CYP2C19: variants seen among roughly 807,000 people sequenced by gnomAD.
The protein encoded by CYP2C19 is cytochrome P450 family 2 subfamily C member 19.
CYP2C19 carries 59 observed loss-of-function variants against 40.9 expected under a neutral mutation model. The observed-to-expected ratio is 1.44, with a 90% CI of 1.17 to 1.79. The LOEUF is 1.79. Ranked by LOEUF, CYP2C19 falls within the 40% of genes most tolerant of loss-of-function variation. CYP2C19 has a pLI of 0.00. For missense variants in CYP2C19, 754 were observed against 596.9 expected (o/e 1.26, Z -2.74); for synonymous variants, 253 against 208.7 (o/e 1.21, Z -1.83).
In CYP2C19 at chr10:94,775,164, A is replaced by G. The variant is rs1293947597; in HGVS notation, c.275A>G (p.Glu92Gly). ...AAGGAAGCCCTGATTGATCTTGGAG[A>G]GGAGTTTTCTGGAAGAGGCCATTTC... The part of the protein sequence containing the change: ...VVKEALIDLG[E>G]EFSGRGHFPL... The change falls in exon 2 of 9, where the codon GAG (glutamate) becomes GGG (glycine). Residue 92 changes from glutamate to glycine, a missense_variant. Coordinates refer to ENST00000371321, the MANE Select transcript of CYP2C19 (RefSeq NM_000769.4). The G allele has an allele frequency of 5.0e-6, 8 of 1,613,970 alleles. No individual in the cohort carries two copies. The highest frequency in any genetic ancestry group is 6.8e-6 in the Non-Finnish European group (8 of 1,180,014).
chr10:94,775,981 G>A (rs1380225156), intron 3 of CYP2C19: 1 of 204,832 alleles, frequency 4.9e-6, no homozygotes, highest in Non-Finnish European at 9.9e-6. Flanking sequence ...TTATTTAATT[G>A]GACTATGTTT....
chr10:94,851,018 A>C (rs528474757), intron 8 of CYP2C19, among the ~76,000 whole-genome samples: 7 of 152,296 alleles, frequency 4.6e-5, no homozygotes, highest in Admixed American at 4.6e-4. Context: ...CAAGATAACA[A>C]GGAAAGAAAC....
intron 5 of CYP2C19, among the ~76,000 whole-genome samples, chr10:94,791,578 T>C (rs1025636650): frequency 2.0e-5 from 3 of 152,286 alleles, no homozygotes; most frequent in Middle Eastern, 3.4e-3. Context: ...TTTGTTCTCA[T>C]TGATTTCAAA....
intron 1 of CYP2C19, among the ~76,000 whole-genome samples, chr10:94,763,983 A>G (rs1341284940): frequency 6.6e-6 from 1 of 151,940 alleles, no homozygotes; most frequent in Non-Finnish European, 1.5e-5. Context: ...CTTCGCAATG[A>G]GTGTTACAGC....
Position 94,853,974 on chromosome 10 carries a change from G to GT in CYP2C19, c.*1064dup, listed in dbSNP as rs1849694918. On this transcript the variant is annotated 3_prime_UTR_variant, in exon 9 of 9. Coordinates refer to ENST00000371321, the MANE Select transcript of CYP2C19 (RefSeq NM_000769.4). ...TATGCTTTCATATTGCTGCTCATGT[G>GT]TTTTGTCATGCTTCTCTCTTCAAAC... Among the ~76,000 whole-genome samples the GT allele has an allele frequency of 6.6e-6, 1 of 151,734 alleles. No individual in the cohort carries two copies. Among genetic ancestry groups the GT allele is most frequent in the Non-Finnish European group, 1.5e-5 (1 of 67,954 alleles).
chr10:94,846,628 T>G (rs1264176687), intron 7 of CYP2C19, among the ~76,000 whole-genome samples: 1 of 152,140 alleles, frequency 6.6e-6, no homozygotes, highest in Non-Finnish European at 1.5e-5. Flanking sequence ...GATGATTTTT[T>G]TCTAATTTCA....
intron 5 of CYP2C19, among the ~76,000 whole-genome samples, chr10:94,795,224 A>G (rs1399828962): frequency 7.3e-6 from 1 of 137,906 alleles, no homozygotes; most frequent in African/African-American, 2.7e-5. Flanking sequence ...TCATTGTTCA[A>G]TTCCCACCTA....
chr10:94,774,347 C>T (rs1383459727), intron 1 of CYP2C19: 1 of 152,070 alleles, frequency 6.6e-6, no homozygotes, highest in Non-Finnish European at 1.5e-5. Flanking sequence ...CAGTTTGGCA[C>T]AGAAAAATTG....
At chr10:94,805,121 T>G (rs1004435437) in intron 5 of CYP2C19, among the ~76,000 whole-genome samples, 1 of 151,434 alleles carries the variant, frequency 6.6e-6, no homozygotes, top group African/African-American at 2.4e-5. Context: ...GACATCCTTG[T>G]TTTTTTTCTT....
intron 1 of CYP2C19, among the ~76,000 whole-genome samples, chr10:94,768,999 C>T (rs1848289747): frequency 6.6e-6 from 1 of 151,932 alleles, no homozygotes. Flanking sequence ...CCATAGTTGG[C>T]AAAAGTCGGT....
At chr10:94,851,834 G>A (rs536895434) in intron 8 of CYP2C19, among the ~76,000 whole-genome samples, 54 of 152,228 alleles carry the variant, frequency 3.5e-4, no homozygotes, top group African/African-American at 1.3e-3. Flanking sequence ...ATGTTGCACT[G>A]GGTATTATGT....
intron 7 of CYP2C19, among the ~76,000 whole-genome samples, chr10:94,847,192 G>A (rs1295895327): frequency 1.3e-5 from 2 of 151,902 alleles, no homozygotes; most frequent in Admixed American, 6.6e-5. Flanking sequence ...TTGTCATTTA[G>A]CATTAGGTAT....
chr10:94,765,180 G>A (rs900003017), intron 1 of CYP2C19, among the ~76,000 whole-genome samples: 2 of 152,008 alleles, frequency 1.3e-5, no homozygotes, highest in African/African-American at 4.8e-5. Flanking sequence ...AGATAAACTG[G>A]CTATTCTGGT....
intron 1 of CYP2C19, among the ~76,000 whole-genome samples, chr10:94,771,715 C>A (rs1848335253): frequency 6.6e-6 from 1 of 152,108 alleles, no homozygotes; most frequent in African/African-American, 2.4e-5. Flanking sequence ...TGCCCAGGAA[C>A]CTGCAACAGT....
At chr10:94,826,693 A>G (rs1054973709) in intron 6 of CYP2C19, among the ~76,000 whole-genome samples, 2 of 152,186 alleles carry the variant, frequency 1.3e-5, no homozygotes, top group Non-Finnish European at 2.9e-5. Flanking sequence ...TTCCAACACT[A>G]TGTTGAATAG....
At chr10:94,817,978 ACTC>A (rs1215490637) in intron 5 of CYP2C19, among the ~76,000 whole-genome samples, 1 of 139,068 alleles carries the variant, frequency 7.2e-6, no homozygotes, top group Admixed American at 8.1e-5. Flanking sequence ...CCGCCACTGC[ACTC>A]CAGCCTGGGC....
In CYP2C19 at chr10:94,843,016, AT is replaced by A; in HGVS notation, c.1143del (p.Lys383ArgfsTer6). On this transcript the variant is annotated frameshift_variant, in exon 7 of 9. Transcript: ENST00000371321. LOFTEE classifies it high-confidence loss of function. Reference sequence around the variant, plus strand: ...TGACGTTAAATTCAGAAACTACCTCATTCCCAAGGTAAGTTTGTTTCTCCTA... The same window carrying A: ...TGACGTTAAATTCAGAAACTACCTCATCCCAAGGTAAGTTTGTTTCTCCTA... ...TCDVKFRNYL[I>X]PKGTTILTSL... 6.2e-7 allele frequency: 1 copy of A among 1,614,104 alleles called. No individual in the cohort carries two copies. Among genetic ancestry groups the A allele is most frequent in the Non-Finnish European group, 8.5e-7 (1 of 1,180,004 alleles).
At chr10:94,783,934 A>G (rs1848508421) in intron 5 of CYP2C19, among the ~76,000 whole-genome samples, 1 of 152,132 alleles carries the variant, frequency 6.6e-6, no homozygotes, top group South Asian at 2.1e-4. Context: ...CATACAATTA[A>G]CCAGTTTAAA....
At chr10:94,782,436 C>T (rs190716545) in intron 5 of CYP2C19, among the ~76,000 whole-genome samples, 14 of 151,912 alleles carry the variant, frequency 9.2e-5, no homozygotes, top group Non-Finnish European at 1.3e-4. Flanking sequence ...GTTAGAATGG[C>T]GATCATTAAA....
Sources: allele counts gnomAD v4.1 joint callset (sites outside exome capture counted in the v4.1 genomes callset), GRCh38; gene constraint gnomAD v4.1.1; transcripts MANE v1.5; gene names NCBI Gene and HGNC (gene_info 2026-07-23, HGNC 2026-07-21).